The following SNX14 variants were observed in gnomAD, a reference collection of about 807,000 sequenced individuals.
SNX14 encodes the protein sorting nexin 14.
In SNX14, 93 loss-of-function variants were observed where a neutral mutation model predicts 133.8. The ratio of observed to expected loss-of-function variants is 0.70; its 90% CI spans 0.59 to 0.83. The LOEUF is 0.83. Among genes scored for constraint, SNX14 ranks in the 40% least tolerant of loss-of-function variants. The pLI is 0.00. For missense variants in SNX14, 945 were observed against 1,094.9 expected (o/e 0.86, Z 1.93); for synonymous variants, 368 against 365.6 (o/e 1.01, Z -0.07).
chr6:85,513,576 T>C (rs1330069982), intron 26 of SNX14, among the ~76,000 whole-genome samples: 1 of 152,230 alleles, frequency 6.6e-6, no homozygotes, highest in Non-Finnish European at 1.5e-5. Context: ...TGAATCTGGC[T>C]ATTATGTGAG....
In SNX14 at chr6:85,547,235, AAGAG is replaced by A; in HGVS notation, c.994-13_994-10del. 1 of 1,612,930 alleles carries A rather than the reference AAGAG, an allele frequency of 6.2e-7. No homozygotes were observed. The highest frequency in any genetic ancestry group is 8.5e-7 in the Non-Finnish European group (1 of 1,179,230). ...AATTCTAACTTCAGCACCTTGATAT[AAGAG>A]AAAGATTAAGTTTAAGCTATATAAA... is the stretch of plus-strand genomic sequence containing the variant. On this transcript the variant is annotated splice_polypyrimidine_tract_variant and intron_variant, in intron 11 of 28. Transcript: ENST00000314673.
chr6:85,507,003 T>C (rs765088588), intron 28 of SNX14, among the ~76,000 whole-genome samples: 11 of 152,150 alleles, frequency 7.2e-5, no homozygotes, highest in Admixed American at 2.0e-4. Context: ...CCCTATCTGC[T>C]TGTAATTAAA....
chr6:85,542,130 T>G (rs945515440), intron 14 of SNX14, 87 bp from the exon 15 acceptor site: 1 of 908,822 alleles, frequency 1.1e-6, no homozygotes. Flanking sequence ...TTTCCAGTTT[T>G]GGGAAAAAAA....
At chr6:85,545,099 C>T (rs1440333206) in intron 12 of SNX14, among the ~76,000 whole-genome samples, 1 of 151,956 alleles carries the variant, frequency 6.6e-6, no homozygotes, top group Non-Finnish European at 1.5e-5. Flanking sequence ...GCTCCTGAAG[C>T]AGTAAAATGT....
intron 1 of SNX14, among the ~76,000 whole-genome samples, chr6:85,592,469 G>C (rs939294115): frequency 3.3e-5 from 5 of 152,186 alleles, no homozygotes; most frequent in Non-Finnish European, 7.3e-5. Context: ...AACTATCTCA[G>C]ATTTCTTTCC....
At chr6:85,512,070 A>AGTGTATTGGAGTT (rs1166089714) in intron 26 of SNX14, among the ~76,000 whole-genome samples, 1 of 152,052 alleles carries the variant, frequency 6.6e-6, no homozygotes, top group Non-Finnish European at 1.5e-5. Context: ...AGATGGCTAG[A>AGTGTATTGGAGTT]GTGTATTGGA....
At chr6:85,558,628 G>GT (rs1790527695) in intron 6 of SNX14, among the ~76,000 whole-genome samples, 1 of 152,066 alleles carries the variant, frequency 6.6e-6, no homozygotes, top group African/African-American at 2.4e-5. Context: ...CGCCCAGCTA[G>GT]TTTTTTGTAG....
At chr6:85,517,669 C>T in intron 23 of SNX14, 87 bp downstream of exon 23, 1 of 1,425,872 alleles carries the variant, frequency 7.0e-7, no homozygotes, top group Non-Finnish European at 9.3e-7. Context: ...ATTTCATTAA[C>T]AAAGTATTCA....
intron 23 of SNX14, among the ~76,000 whole-genome samples, chr6:85,516,009 A>G (rs1774830142): frequency 6.6e-6 from 1 of 152,194 alleles, no homozygotes; most frequent in Non-Finnish European, 1.5e-5. Flanking sequence ...TTAAAACTCA[A>G]CCACCTAATA....
intron 15 of SNX14, among the ~76,000 whole-genome samples, chr6:85,540,732 C>G (rs1269820992): frequency 3.9e-5 from 6 of 152,166 alleles, no homozygotes; most frequent in African/African-American, 1.4e-4. Flanking sequence ...ACAATATATT[C>G]TCCTCGTGGC....
Position 85,588,969 on chromosome 6 carries a change from G to A in SNX14, c.140+4610C>T, listed in dbSNP as rs1022853368. ...TTGCTGTCTGAGGAATTGCAGGGGT[G>A]AAAGAGGTAGAAGGGGATGCAGAAG... is the stretch of plus-strand genomic sequence containing the variant. On this transcript the variant is annotated intron_variant, in intron 1 of 28. Coordinates refer to ENST00000314673, the MANE Select transcript of SNX14 (RefSeq NM_153816.6). 3 of 452,000 alleles carry A rather than the reference G, an allele frequency of 6.6e-6. No homozygotes were observed. The Admixed American group carries it at 7.1e-5, about 11-fold the overall frequency. The allele number at this position is 452,000 out of a possible 1,614,324, so 28.0% of individuals were successfully genotyped here.
chr6:85,515,021 T>C (rs114005906), intron 23 of SNX14, among the ~76,000 whole-genome samples: 2,564 of 152,144 alleles, frequency 0.017, 68 homozygotes, highest in African/African-American at 0.058. Flanking sequence ...TCTCAGCACT[T>C]TGGAAGACGG....
intron 21 of SNX14, among the ~76,000 whole-genome samples, chr6:85,523,460 C>T (rs117749144): frequency 2.0e-5 from 3 of 152,178 alleles, no homozygotes; most frequent in African/African-American, 4.8e-5. Context: ...ATAGGAAAAA[C>T]GTACAGAATC....
chr6:85,537,818 A>T (rs1326077096), intron 16 of SNX14, among the ~76,000 whole-genome samples: 1 of 152,130 alleles, frequency 6.6e-6, no homozygotes, highest in Non-Finnish European at 1.5e-5. Flanking sequence ...GCGAGGTGGC[A>T]GGCACCTGTA....
At chr6:85,561,639 T>C (rs1379685694) in intron 6 of SNX14, among the ~76,000 whole-genome samples, 1 of 151,854 alleles carries the variant, frequency 6.6e-6, no homozygotes, top group African/African-American at 2.4e-5. Context: ...AAAAGACAAA[T>C]ATAAAGAAGT....
intron 1 of SNX14, among the ~76,000 whole-genome samples, chr6:85,579,907 T>A (rs749894274): frequency 6.6e-6 from 1 of 152,208 alleles, no homozygotes; most frequent in Non-Finnish European, 1.5e-5. Context: ...TTGGAGGGCA[T>A]GTGAACTAGT....
intron 1 of SNX14, among the ~76,000 whole-genome samples, chr6:85,574,972 T>C (rs1056613030): frequency 6.6e-6 from 1 of 152,052 alleles, no homozygotes; most frequent in African/African-American, 2.4e-5. Context: ...GAGAAAGCAA[T>C]ATCTACAGAA....
At chr6:85,572,239 A>G in intron 3 of SNX14, 24 bp from the exon 4 acceptor site, 1 of 1,611,950 alleles carries the variant, frequency 6.2e-7, no homozygotes, top group Non-Finnish European at 8.5e-7. Context: ...ATACAACTAA[A>G]TCACTTGAAA....
chr6:85,567,940 G>A (rs764835423), intron 4 of SNX14: 25 of 163,376 alleles, frequency 1.5e-4, no homozygotes, highest in South Asian at 5.0e-4. Context: ...CCAAGATGTT[G>A]CCACTGTACA....
Sources: gnomAD v4.1 joint callset for allele counts (sites outside exome capture counted in the v4.1 genomes callset) on GRCh38, gnomAD v4.1.1 for gene constraint, MANE v1.5 for transcripts, NCBI Gene and HGNC (gene_info 2026-07-23, HGNC 2026-07-21) for gene names.